The following POU2F1 variants were observed in gnomAD, a reference collection of about 807,000 sequenced individuals.
POU2F1 encodes the protein POU class 2 homeobox 1.
In POU2F1, 16 loss-of-function variants were observed where a neutral mutation model predicts 84.9. That is an observed-to-expected ratio of 0.19 (90% CI 0.13 to 0.29). The LOEUF is 0.29. Ranked by LOEUF, POU2F1 falls within the 10% of genes least tolerant of loss-of-function variation. The pLI, the probability that POU2F1 is intolerant of heterozygous loss-of-function variation, is 1.00. For missense variants in POU2F1, 738 were observed against 942.6 expected (o/e 0.78, Z 2.84); for synonymous variants, 368 against 368.3 (o/e 1.00, Z 0.01).
chr1:167,240,871 G>A (rs557454781), intron 1 of POU2F1, among the ~76,000 whole-genome samples: 10 of 152,208 alleles, frequency 6.6e-5, no homozygotes, highest in South Asian at 6.2e-4. Context: ...GGCCGGGCGC[G>A]GTGGCTCATG....
At chr1:167,379,469 G>A (rs1192534579) in intron 7 of POU2F1, 1 of 152,166 alleles carries the variant, frequency 6.6e-6, no homozygotes, top group Non-Finnish European at 1.5e-5. Flanking sequence ...ATAATGCCTG[G>A]GTTTTTAGGA....
chr1:167,368,026 G>A (rs148011426), intron 3 of POU2F1, among the ~76,000 whole-genome samples: 15 of 152,190 alleles, frequency 9.9e-5, no homozygotes, highest in African/African-American at 3.4e-4. Context: ...TTATAAAACT[G>A]CAGTGCAAAT....
chr1:167,369,709 C>T (rs1223918231), intron 3 of POU2F1, among the ~76,000 whole-genome samples: 1 of 152,084 alleles, frequency 6.6e-6, no homozygotes, highest in Admixed American at 6.6e-5. Context: ...TATATTTCTA[C>T]TCTGGTGTAT....
At chr1:167,253,679 G>C (rs1650912091) in intron 1 of POU2F1, among the ~76,000 whole-genome samples, 1 of 152,070 alleles carries the variant, frequency 6.6e-6, no homozygotes, top group South Asian at 2.1e-4. Context: ...CGCCGGCCTT[G>C]ACCTCCCAAA....
intron 11 of POU2F1, among the ~76,000 whole-genome samples, chr1:167,398,723 A>G (rs190118206): frequency 1.1e-4 from 16 of 152,350 alleles, no homozygotes; most frequent in African/African-American, 3.6e-4. Flanking sequence ...ACTTGAGCAC[A>G]TTGGGAGGAC....
At position 167,415,708 on chromosome 1, in the gene POU2F1, C is replaced by T. The variant is rs1249082441; in HGVS notation, c.2199C>T (p.His733=). 32 of 1,614,130 alleles carry T rather than the reference C, an allele frequency of 2.0e-5. No individual in the cohort carries two copies. Among genetic ancestry groups the T allele is most frequent in the Non-Finnish European group, 2.7e-5 (32 of 1,180,012 alleles). ...ACTCTGCACCTGTAGCCAGCCTTCACGCCACCTCCACCTCTGCTGAGTCCA... is the reference window on the plus strand; with the variant it reads ...ACTCTGCACCTGTAGCCAGCCTTCATGCCACCTCCACCTCTGCTGAGTCCA... ...AGNSAPVASL[H]ATSTSAESIQ... The change falls in exon 16 of 16, where the codon CAC becomes CAT. Residue 733 remains histidine (H), a synonymous_variant. Transcript: ENST00000367866.
At chr1:167,243,931 C>G (rs1264201798) in intron 1 of POU2F1, among the ~76,000 whole-genome samples, 1 of 152,016 alleles carries the variant, frequency 6.6e-6, no homozygotes, top group Admixed American at 6.5e-5. Flanking sequence ...TGTTTTTTTC[C>G]CCTCTTATCC....
chr1:167,379,602 A>G (rs1200987007), intron 7 of POU2F1: 1 of 152,248 alleles, frequency 6.6e-6, no homozygotes, highest in African/African-American at 2.4e-5. Flanking sequence ...TTCAGAAGTC[A>G]AAAACTAGTG....
chr1:167,292,811 T>A (rs894274709), intron 1 of POU2F1, among the ~76,000 whole-genome samples: 6 of 152,106 alleles, frequency 3.9e-5, no homozygotes, highest in Non-Finnish European at 8.8e-5. Flanking sequence ...TCCACCATGA[T>A]CAAGTAGGTC....
intron 1 of POU2F1, among the ~76,000 whole-genome samples, chr1:167,305,011 G>A (rs747078958): frequency 1.4e-4 from 21 of 152,156 alleles, no homozygotes; most frequent in Non-Finnish European, 2.9e-4. Context: ...ATGATGAAAA[G>A]TGTAGAGAAA....
intron 1 of POU2F1, among the ~76,000 whole-genome samples, chr1:167,332,210 C>T (rs1163929981): frequency 6.6e-6 from 1 of 152,064 alleles, no homozygotes; most frequent in African/African-American, 2.4e-5. Context: ...GTTCTGCTGT[C>T]TTTCTTTAAA....
At chr1:167,348,757 G>A (rs1481535341) in intron 2 of POU2F1, among the ~76,000 whole-genome samples, 1 of 152,074 alleles carries the variant, frequency 6.6e-6, no homozygotes, top group African/African-American at 2.4e-5. Flanking sequence ...TTTGTGCCTT[G>A]CTCTCTTACC....
rs1272094635 is a variant in POU2F1 at position 167,426,686 on chromosome 1, C to T, written c.*10876C>T. 1 of 152,040 alleles carries T rather than the reference C, an allele frequency of 6.6e-6. No homozygotes were observed. Among genetic ancestry groups the T allele is most frequent in the Non-Finnish European group, 1.5e-5 (1 of 68,024 alleles). 9.4% of individuals were successfully genotyped at this position (152,040 alleles called of 1,614,324 possible). On this transcript the variant is annotated 3_prime_UTR_variant, in exon 16 of 16. Transcript: ENST00000367866. ...AAGGAGGGGCACAAGGGGAATTGGC[C>T]CCCGGCCTCCTAGAACTTTTTGTTT...
intron 1 of POU2F1, among the ~76,000 whole-genome samples, chr1:167,308,287 G>C (rs1307611989): frequency 6.6e-6 from 1 of 151,714 alleles, no homozygotes; most frequent in South Asian, 2.1e-4. Context: ...TTCTGGTCTC[G>C]AACTCCCAAT....
At chr1:167,351,028 T>A (rs1236593593) in intron 2 of POU2F1, among the ~76,000 whole-genome samples, 1 of 151,770 alleles carries the variant, frequency 6.6e-6, no homozygotes. Flanking sequence ...GTGTTTTAAT[T>A]TCTGGGCTCA....
chr1:167,310,741 T>G (rs927873624), intron 1 of POU2F1, among the ~76,000 whole-genome samples: 8 of 152,160 alleles, frequency 5.3e-5, no homozygotes, highest in Admixed American at 4.6e-4. Flanking sequence ...TGAGTAATTA[T>G]GGACACACTT....
intron 1 of POU2F1, chr1:167,329,201 A>G: frequency 6.5e-7 from 1 of 1,530,636 alleles, no homozygotes; most frequent in Non-Finnish European, 8.8e-7. Flanking sequence ...AAATAGTAGT[A>G]CCTTCTTTCC....
At position 167,328,004 on chromosome 1, in the gene POU2F1, A is replaced by T. The variant is rs183358296; in HGVS notation, c.62-4466A>T. 2.5e-4 allele frequency among the ~76,000 whole-genome samples: 38 copies of T among 152,308 alleles called. 2 individuals are homozygous for T. The highest frequency in any genetic ancestry group is 2.4e-3 in the Admixed American group (36 of 15,286). On this transcript the variant is annotated intron_variant, in intron 1 of 15. Coordinates refer to ENST00000367866, the MANE Select transcript of POU2F1 (RefSeq NM_002697.4). Reference sequence around the variant, plus strand: ...CTGTTGTCATTGTAATGCCTAAAAAATTTTGGGTTGATGACTTACCTTGTA... The same window carrying T: ...CTGTTGTCATTGTAATGCCTAAAAATTTTTGGGTTGATGACTTACCTTGTA...
intron 1 of POU2F1, among the ~76,000 whole-genome samples, chr1:167,278,118 C>A (rs1652865643): frequency 6.6e-6 from 1 of 152,146 alleles, no homozygotes; most frequent in African/African-American, 2.4e-5. Context: ...TCTCCACCTC[C>A]CCTCTTATTT....
Sources: gnomAD v4.1 joint callset for allele counts (sites outside exome capture counted in the v4.1 genomes callset) on GRCh38, gnomAD v4.1.1 for gene constraint, MANE v1.5 for transcripts, NCBI Gene and HGNC (gene_info 2026-07-23, HGNC 2026-07-21) for gene names.